The following CNKSR2 variants were observed in gnomAD, a reference collection of about 807,000 sequenced individuals.
CNKSR2 encodes connector enhancer of kinase suppressor of Ras 2, also known as CNK homolog protein 2.
In CNKSR2, 14 loss-of-function variants were observed where a neutral mutation model predicts 84.4. That is an observed-to-expected ratio of 0.17 (90% CI 0.11 to 0.26). The LOEUF (loss-of-function observed/expected upper bound fraction) is 0.26. Ranked by LOEUF, CNKSR2 falls within the 10% of genes least tolerant of loss-of-function variation. The pLI is 1.00. For missense variants in CNKSR2, 485 were observed against 771.2 expected (o/e 0.63, Z 4.40); for synonymous variants, 275 against 277.9 (o/e 0.99, Z 0.10).
chrX:21,471,911 C>G (rs1294242364), intron 5 of CNKSR2, among the ~76,000 whole-genome samples: 1 of 111,959 alleles, frequency 8.9e-6, no homozygotes, highest in Non-Finnish European at 1.9e-5. Flanking sequence ...TATTTAGGGC[C>G]TATATATTTC....
chrX:21,428,117 G>T (rs1385003868), intron 2 of CNKSR2: 1 of 111,838 alleles, frequency 8.9e-6, no homozygotes, highest in Non-Finnish European at 1.9e-5. Context: ...TTTAATTCAT[G>T]TTGGGCTCCT....
chrX:21,437,751 G>T lies in CNKSR2; in HGVS notation c.432-2943G>T, dbSNP rs193211840. On this transcript the variant is annotated intron_variant, in intron 3 of 21. Transcript: ENST00000379510. ...TTTCATTAAAAATATTTTTATTGAG[G>T]CCTAATTTATATTCTATAAATTAAC... is the stretch of plus-strand genomic sequence containing the variant. 4.1e-3 allele frequency among the ~76,000 whole-genome samples: 448 copies of T among 109,749 alleles called. 3 individuals are homozygous for T. The highest frequency in any genetic ancestry group is 0.014 in the African/African-American group (428 of 30,166).
Position 21,609,391 on chromosome X carries a change from G to A in CNKSR2, c.2466G>A (p.Gly822=), listed in dbSNP as rs200902796. Reference sequence around the variant, plus strand: ...AATGCCACCTGCAGGATCACTATGGGCCATACCCCTTAGCTGAGAGTGAGA... The same window carrying A: ...AATGCCACCTGCAGGATCACTATGGACCATACCCCTTAGCTGAGAGTGAGA... ...TQKCHLQDHY[G]PYPLAESERM... Residue 822 remains glycine, a synonymous_variant, in exon 20 of 22, where the codon GGG becomes GGA. Coordinates refer to ENST00000379510, the MANE Select transcript of CNKSR2 (RefSeq NM_014927.5). 13 of 1,209,625 alleles carry A rather than the reference G, an allele frequency of 1.1e-5. No homozygotes were observed. In the East Asian group the frequency reaches 1.8e-4, roughly 17 times the overall value.
At chrX:21,461,594 T>A (rs2091062776) in intron 4 of CNKSR2, among the ~76,000 whole-genome samples, 1 of 112,446 alleles carries the variant, frequency 8.9e-6, no homozygotes, top group Non-Finnish European at 1.9e-5. Flanking sequence ...GGGGTAATAC[T>A]CAAGAAATCT....
At position 21,374,839 on chromosome X, in the gene CNKSR2, G is replaced by T. The variant is rs1400490706; in HGVS notation, c.-59G>T. The T allele has an allele frequency of 2.9e-6, 3 of 1,040,582 alleles. No homozygotes were observed. The Admixed American group carries it at 6.5e-5, about 23-fold the overall frequency. 85.8% of individuals were successfully genotyped at this position (1,040,582 alleles called of 1,213,427 possible). On this transcript the variant is annotated 5_prime_UTR_variant, in exon 1 of 22. Coordinates refer to ENST00000379510, the MANE Select transcript of CNKSR2 (RefSeq NM_014927.5). The stretch of plus-strand genomic sequence containing the variant: ...GGGACCCCACCTGAGAGCAGCTCGG[G>T]CTGCTGAGTTCGTTTTGTGTCTGAG...
chrX:21,431,747 A>T (rs758798644), intron 2 of CNKSR2, among the ~76,000 whole-genome samples: 1 of 112,012 alleles, frequency 8.9e-6, no homozygotes, highest in Non-Finnish European at 1.9e-5. Context: ...GGGATCCTAC[A>T]ATCTTTTTCT....
In CNKSR2 at chrX:21,459,244, G is replaced by A. The variant is rs764826299; in HGVS notation, c.520-11522G>A. 1.1e-4 allele frequency among the ~76,000 whole-genome samples: 12 copies of A among 110,407 alleles called. No homozygotes were observed. In the East Asian group the frequency reaches 3.2e-3, roughly 29 times the overall value. Reference sequence around the variant, plus strand: ...TCACCATGTTGGCCAAGCTGGTCTCGAACTTCTGACCTCAAGTGATTCACC... The same window carrying A: ...TCACCATGTTGGCCAAGCTGGTCTCAAACTTCTGACCTCAAGTGATTCACC... On this transcript the variant is annotated intron_variant, in intron 4 of 21. Coordinates refer to ENST00000379510, the MANE Select transcript of CNKSR2 (RefSeq NM_014927.5).
At chrX:21,617,272 A>G (rs2092581334) in intron 20 of CNKSR2, among the ~76,000 whole-genome samples, 1 of 111,229 alleles carries the variant, frequency 9.0e-6, no homozygotes, top group Non-Finnish European at 1.9e-5. Flanking sequence ...AAAACCTATC[A>G]TTCTCTTTTT....
At chrX:21,377,077 G>C (rs1385602982) in intron 1 of CNKSR2, among the ~76,000 whole-genome samples, 2 of 112,074 alleles carry the variant, frequency 1.8e-5, no homozygotes, top group East Asian at 5.5e-4. Flanking sequence ...TTTCATACCT[G>C]TTGGTGACGC....
chrX:21,583,466 C>G (rs947365150), intron 13 of CNKSR2, among the ~76,000 whole-genome samples: 1 of 111,192 alleles, frequency 9.0e-6, no homozygotes. Flanking sequence ...AAGAGTTTTA[C>G]TTGTTTATTT....
In CNKSR2 at chrX:21,425,747, A is replaced by G. The variant is rs765948002; in HGVS notation, c.65-750A>G. On this transcript the variant is annotated intron_variant, in intron 1 of 21. Coordinates refer to ENST00000379510, the MANE Select transcript of CNKSR2 (RefSeq NM_014927.5). ...TATCAGGCCACTTCACAGGTGATTG[A>G]AACCGCCTCAATCTATAGCCTAGCC... 2.7e-5 allele frequency: 3 copies of G among 111,749 alleles called. No homozygotes were observed. In the East Asian group the frequency reaches 8.5e-4, roughly 32 times the overall value. 9.2% of individuals were successfully genotyped at this position (111,749 alleles called of 1,213,427 possible).
In CNKSR2 at chrX:21,654,272, TAAAAAAAAA is replaced by T. The variant is rs34844138; in HGVS notation, c.*1765_*1773del. The T allele has an allele frequency of 8.2e-5, 5 of 61,078 alleles. No individual in the cohort carries two copies. Among genetic ancestry groups the T allele is most frequent in the African/African-American group, 3.2e-4 (5 of 15,833 alleles). 5.0% of individuals were successfully genotyped at this position (61,078 alleles called of 1,213,427 possible). On this transcript the variant is annotated 3_prime_UTR_variant, in exon 22 of 22. Transcript: ENST00000379510. ...TTAAATTTGTGGGATTTTGTATATG[TAAAAAAAAA>T]AAAAAAAAAAAAACAAAAAACCTCT...
At chrX:21,588,924 A>C (rs2092404296) in intron 13 of CNKSR2, among the ~76,000 whole-genome samples, 1 of 112,610 alleles carries the variant, frequency 8.9e-6, no homozygotes, top group South Asian at 3.6e-4. Context: ...TTTACCATGA[A>C]ACAATGTAGG....
chrX:21,473,745 G>GGTTTTTT (rs1456048288), intron 5 of CNKSR2, among the ~76,000 whole-genome samples: 22 of 67,201 alleles, frequency 3.3e-4, no homozygotes, highest in African/African-American at 2.1e-3. Context: ...TGTTGGTTTG[G>GGTTTTTT]TTTTTTTTTT....
intron 20 of CNKSR2, among the ~76,000 whole-genome samples, chrX:21,623,552 T>C (rs1479661278): frequency 8.9e-6 from 1 of 111,885 alleles, no homozygotes; most frequent in African/African-American, 3.2e-5. Context: ...TGATGCTCCT[T>C]GATATTTTCA....
chrX:21,645,693 AG>A (rs2092704792), intron 20 of CNKSR2: 1 of 111,269 alleles, frequency 9.0e-6, no homozygotes, highest in Non-Finnish European at 1.9e-5. Flanking sequence ...TTCCAAAGCA[AG>A]CCTCTTCTAA....
At chrX:21,466,376 G>A (rs766703834) in intron 4 of CNKSR2, among the ~76,000 whole-genome samples, 5 of 111,023 alleles carry the variant, frequency 4.5e-5, no homozygotes, top group African/African-American at 1.6e-4. Flanking sequence ...TTAGAAGCAA[G>A]TATTTTAAAA....
chrX:21,642,776 A>G, intron 20 of CNKSR2: 1 of 711,367 alleles, frequency 1.4e-6, no homozygotes, highest in Non-Finnish European at 1.7e-6. Context: ...TATGCCTGAT[A>G]GTAAATATCT....
intron 20 of CNKSR2, among the ~76,000 whole-genome samples, chrX:21,617,448 C>T (rs1331301831): frequency 9.0e-6 from 1 of 111,275 alleles, no homozygotes; most frequent in Non-Finnish European, 1.9e-5. Context: ...TTTTTAATTA[C>T]CCTATTTTTG....
Sources: allele counts gnomAD v4.1 joint callset (sites outside exome capture counted in the v4.1 genomes callset), GRCh38; gene constraint gnomAD v4.1.1; transcripts MANE v1.5; gene names NCBI Gene and HGNC (gene_info 2026-07-23, HGNC 2026-07-21).